The following CTTNBP2NL variants were observed in gnomAD, a reference collection of about 807,000 sequenced individuals.
CTTNBP2NL encodes the protein CTTNBP2 N-terminal like.
In CTTNBP2NL, 16 loss-of-function variants were observed where a neutral mutation model predicts 32.5. That is an observed-to-expected ratio of 0.49 (90% CI 0.33 to 0.75). The LOEUF (loss-of-function observed/expected upper bound fraction) is 0.75. Ranked by LOEUF, CTTNBP2NL falls within the 30% of genes least tolerant of loss-of-function variation. The pLI is 0.02. For synonymous variants in CTTNBP2NL, 298 were observed against 289.4 expected (o/e 1.03, Z -0.30); for missense variants, 645 against 756.0 (o/e 0.85, Z 1.72).
rs1052851925 is a variant in CTTNBP2NL, at chr1:112,397,014, T to G, written c.-134+742T>G. ...GGAGCACCCAGCCTCTAAGGGTTTC[T>G]TAGGTTTGAATTGCGTTTCATTTTT... On this transcript the variant is annotated intron_variant, in intron 1 of 5. Coordinates refer to ENST00000271277, the MANE Select transcript of CTTNBP2NL (RefSeq NM_018704.3). Among the ~76,000 whole-genome samples the G allele has an allele frequency of 6.0e-5, 9 of 149,980 alleles. 1 individual carries two copies. Among genetic ancestry groups the G allele is most frequent in the African/African-American group, 1.9e-4 (8 of 41,224 alleles).
chr1:112,403,196 T>TC (rs1402927307), intron 1 of CTTNBP2NL, among the ~76,000 whole-genome samples: 10 of 152,250 alleles, frequency 6.6e-5, no homozygotes, highest in African/African-American at 2.4e-4. Flanking sequence ...TAAATTTTTT[T>TC]CCCGACTACT....
intron 1 of CTTNBP2NL, among the ~76,000 whole-genome samples, chr1:112,397,194 A>T (rs1648357196): frequency 1.3e-5 from 2 of 152,238 alleles, no homozygotes; most frequent in South Asian, 4.1e-4. Flanking sequence ...CCATGTTTTC[A>T]AATGAAACAG....
chr1:112,402,821 T>G (rs781654263), intron 1 of CTTNBP2NL, among the ~76,000 whole-genome samples: 1 of 152,170 alleles, frequency 6.6e-6, no homozygotes, highest in African/African-American at 2.4e-5. Flanking sequence ...CCCCAAAGAC[T>G]TCTTCACTTC....
chr1:112,430,289 G>T (rs1412995152), intron 3 of CTTNBP2NL, among the ~76,000 whole-genome samples: 4 of 151,496 alleles, frequency 2.6e-5, no homozygotes. Context: ...GCAGTGGCAT[G>T]ATCTCAGCTC....
intron 3 of CTTNBP2NL, among the ~76,000 whole-genome samples, chr1:112,424,507 C>G (rs559668551): frequency 1.1e-3 from 163 of 152,224 alleles, no homozygotes; most frequent in Non-Finnish European, 1.8e-3. Context: ...TATTTATGGT[C>G]CTTCGCATTT....
intron 3 of CTTNBP2NL, among the ~76,000 whole-genome samples, chr1:112,431,016 C>T (rs1221617107): frequency 5.9e-5 from 9 of 152,168 alleles, no homozygotes; most frequent in African/African-American, 1.7e-4. Context: ...GCAAATTTCT[C>T]GTTTGACTGA....
intron 1 of CTTNBP2NL, among the ~76,000 whole-genome samples, chr1:112,411,491 A>C (rs533157668): frequency 1.3e-5 from 2 of 152,314 alleles, no homozygotes; most frequent in East Asian, 3.9e-4. Flanking sequence ...GTGTATGATA[A>C]TGTATCCACA....
chr1:112,457,228 C>T lies in CTTNBP2NL; in HGVS notation c.1736C>T (p.Pro579Leu). 2 of 1,614,162 alleles carry T rather than the reference C, an allele frequency of 1.2e-6. No homozygotes were observed. The highest frequency in any genetic ancestry group is 1.7e-6 in the Non-Finnish European group (2 of 1,180,034). ...PTIPRAERGN[P>L]PPIPPKKPGL... ...ATCCCCAGAGCTGAGAGAGGAAACC[C>T]TCCACCCATCCCACCCAAGAAACCT... is the stretch of plus-strand genomic sequence containing the variant. Residue 579 changes from proline to leucine, a missense_variant, in exon 6 of 6, where the codon CCT (proline) becomes CTT (leucine). Physicochemically the swap from Pro to Leu is moderately conservative, Grantham distance 98. Coordinates refer to ENST00000271277, the MANE Select transcript of CTTNBP2NL (RefSeq NM_018704.3).
chr1:112,420,496 T>C (rs1202258588), intron 3 of CTTNBP2NL, among the ~76,000 whole-genome samples: 3 of 151,984 alleles, frequency 2.0e-5, no homozygotes, highest in African/African-American at 7.2e-5. Flanking sequence ...AGACAGAGTC[T>C]TACTCTGTCG....
chr1:112,449,281 C>T (rs1463678862), intron 4 of CTTNBP2NL, 109 bp downstream of exon 4: 2 of 618,370 alleles, frequency 3.2e-6, no homozygotes, highest in South Asian at 2.3e-5. Flanking sequence ...TGGGACATCT[C>T]ACGGGTATCA....
chr1:112,409,938 T>G (rs1648802923), intron 1 of CTTNBP2NL, among the ~76,000 whole-genome samples: 1 of 152,176 alleles, frequency 6.6e-6, no homozygotes, highest in Admixed American at 6.5e-5. Flanking sequence ...GATGCAGTTT[T>G]TGATACCCAT....
At chr1:112,406,513 A>G (rs1331024957) in intron 1 of CTTNBP2NL, among the ~76,000 whole-genome samples, 1 of 152,196 alleles carries the variant, frequency 6.6e-6, no homozygotes, top group African/African-American at 2.4e-5. Context: ...CATCTGTTAA[A>G]TGAGGAGGAT....
intron 1 of CTTNBP2NL, among the ~76,000 whole-genome samples, chr1:112,402,922 G>C (rs1188203469): frequency 6.6e-6 from 1 of 152,020 alleles, no homozygotes; most frequent in Admixed American, 6.6e-5. Context: ...TCGTATCACA[G>C]TCATCATTTC....
In CTTNBP2NL at chr1:112,421,310, C is replaced by CTT. The variant is rs34750717; in HGVS notation, c.99+5063_99+5064dup. Among the ~76,000 whole-genome samples the CTT allele has an allele frequency of 6.5e-3, 756 of 115,910 alleles. 15 individuals carry two copies. The highest frequency in any genetic ancestry group is 0.062 in the East Asian group (249 of 4,006). 76.0% of individuals were successfully genotyped at this position (115,910 alleles called of 152,430 possible). On this transcript the variant is annotated intron_variant, in intron 3 of 5. Transcript: ENST00000271277. ...ACATAATGAGACCCCCATTTCTTTT[C>CTT]TTTTTTTTTTTTTTTTTTGAGACGG...
At chr1:112,443,210 C>T (rs999390185) in intron 3 of CTTNBP2NL, among the ~76,000 whole-genome samples, 4 of 152,210 alleles carry the variant, frequency 2.6e-5, no homozygotes, top group African/African-American at 9.6e-5. Context: ...CATTCTATTT[C>T]ACAGTTAGTT....
At chr1:112,447,660 C>A (rs912313833) in intron 3 of CTTNBP2NL, among the ~76,000 whole-genome samples, 12 of 151,208 alleles carry the variant, frequency 7.9e-5, no homozygotes, top group Admixed American at 3.3e-4. Flanking sequence ...AAAAAAAAAA[C>A]CCATGTTTGC....
chr1:112,410,538 T>C (rs1160654998), intron 1 of CTTNBP2NL, among the ~76,000 whole-genome samples: 1 of 152,182 alleles, frequency 6.6e-6, no homozygotes, highest in East Asian at 1.9e-4. Context: ...CTATAAAGCT[T>C]AATATAGCTA....
At chr1:112,396,013 C>A (rs1648310282), upstream of CTTNBP2NL, among the ~76,000 whole-genome samples, 1 of 152,232 alleles carries the variant, frequency 6.6e-6, no homozygotes, top group African/African-American at 2.4e-5. Context: ...GGCGCTTCCT[C>A]CCGGAAGTGA....
At chr1:112,449,727 G>GGTGTGTGTGTGTGTGTGTGT (rs71306135) in intron 4 of CTTNBP2NL, among the ~76,000 whole-genome samples, 1 of 88,628 alleles carries the variant, frequency 1.1e-5, no homozygotes, top group African/African-American at 3.2e-5. Context: ...ATTAGTGAGG[G>GGTGTGTGTGTGTGTGTGTGT]GTGTGTGTGT....
Sources: gnomAD v4.1 joint callset for allele counts (sites outside exome capture counted in the v4.1 genomes callset) on GRCh38, gnomAD v4.1.1 for gene constraint, MANE v1.5 for transcripts, NCBI Gene and HGNC (gene_info 2026-07-23, HGNC 2026-07-21) for gene names.